The following GPA33 variants were observed in gnomAD, a reference collection of about 807,000 sequenced individuals.
GPA33 encodes the protein glycoprotein A33.
GPA33 carries 27 observed loss-of-function variants against 35.6 expected under a neutral mutation model. The ratio of observed to expected loss-of-function variants is 0.76; its 90% CI spans 0.56 to 1.04. GPA33 has a LOEUF of 1.04. GPA33 is among the 50% of genes least tolerant of loss of function. GPA33 has a pLI of 0.00. For missense variants in GPA33, 428 were observed against 411.9 expected (o/e 1.04, Z -0.34); for synonymous variants, 176 against 164.0 (o/e 1.07, Z -0.56).
At chr1:167,062,171 A>ATTTAT (rs200118059) in intron 4 of GPA33, among the ~76,000 whole-genome samples, 1 of 151,290 alleles carries the variant, frequency 6.6e-6, no homozygotes, top group Non-Finnish European at 1.5e-5. Context: ...AAAATATTTT[A>ATTTAT]TTTATTTTAT....
chr1:167,056,794 C>CT (rs1261442199), intron 4 of GPA33, among the ~76,000 whole-genome samples: 159 of 2,540 alleles, frequency 0.063, 1 homozygote, highest in East Asian at 0.12. Flanking sequence ...TAGTGTGGTG[C>CT]GTGTGGTGTG....
At chr1:167,087,908 T>TCACACACACACACACACACA (rs1491326252) in intron 1 of GPA33, among the ~76,000 whole-genome samples, 11,664 of 148,990 alleles carry the variant, frequency 0.078, 507 homozygotes, top group Non-Finnish European at 0.084. Flanking sequence ...CCAGACTCTG[T>TCACACACACACACACACACA]CTCACACACA....
intron 3 of GPA33, among the ~76,000 whole-genome samples, chr1:167,067,188 G>T (rs1236488472): frequency 1.3e-5 from 2 of 151,798 alleles, no homozygotes; most frequent in Non-Finnish European, 2.9e-5. Flanking sequence ...TTTTGAGGCC[G>T]GTCTCTGTCA....
chr1:167,078,243 C>T (rs1666862644), intron 1 of GPA33, among the ~76,000 whole-genome samples: 1 of 152,240 alleles, frequency 6.6e-6, no homozygotes, highest in South Asian at 2.1e-4. Context: ...CTGCTCTACT[C>T]AGGGAGATAA....
intron 1 of GPA33, among the ~76,000 whole-genome samples, chr1:167,077,083 G>A (rs1221292539): frequency 4.6e-5 from 7 of 152,058 alleles, no homozygotes; most frequent in Admixed American, 4.6e-4. Flanking sequence ...GTGCATGCCT[G>A]TAGTCCCAGC....
At chr1:167,079,712 A>G (rs1666888030) in intron 1 of GPA33, among the ~76,000 whole-genome samples, 1 of 152,104 alleles carries the variant, frequency 6.6e-6, no homozygotes, top group South Asian at 2.1e-4. Context: ...AATCCTTTCC[A>G]CCCATTCAGT....
intron 1 of GPA33, among the ~76,000 whole-genome samples, chr1:167,079,108 G>T (rs1414667952): frequency 6.6e-6 from 1 of 152,098 alleles, no homozygotes; most frequent in East Asian, 1.9e-4. Context: ...ATCAATTTTA[G>T]AGATCATTAT....
At position 167,063,581 on chromosome 1, in the gene GPA33, C is replaced by G. The variant is rs1322759612; in HGVS notation, c.571+1G>C. On this transcript the variant is annotated splice_donor_variant, in intron 4 of 6. Transcript: ENST00000367868. LOFTEE classifies it high-confidence loss of function. ...GCCCGCCTTCCCTACTGCCCCCTTA[C>G]CTGGCTGGGCCAGGGGCTGCTCCTG... is the stretch of plus-strand genomic sequence containing the variant. The G allele has an allele frequency of 1.2e-6, 2 of 1,601,456 alleles. No homozygotes were observed.
chr1:167,073,634 C>T, intron 1 of GPA33, 95 bp from the exon 2 acceptor site: 8 of 1,122,972 alleles, frequency 7.1e-6, no homozygotes, highest in Non-Finnish European at 1.0e-5. Flanking sequence ...ATGTCCAGGG[C>T]TGTTCTTGCA....
At chr1:167,085,246 G>A (rs556104498) in intron 1 of GPA33, among the ~76,000 whole-genome samples, 2 of 152,334 alleles carry the variant, frequency 1.3e-5, no homozygotes, top group South Asian at 4.1e-4. Context: ...GGAGAATGAG[G>A]CTGCTAAGGA....
At chr1:167,084,306 G>A (rs563291099) in intron 1 of GPA33, among the ~76,000 whole-genome samples, 2 of 152,292 alleles carry the variant, frequency 1.3e-5, no homozygotes, top group Admixed American at 6.5e-5. Flanking sequence ...TGAGGTGGCA[G>A]AGGAAATGGA....
rs149272203 is a variant in GPA33, at chr1:167,076,560, G to C, written c.44-3021C>G. Among the ~76,000 whole-genome samples, 12 of 152,284 alleles carry C rather than the reference G, an allele frequency of 7.9e-5. No homozygotes were observed. In the East Asian group the frequency reaches 2.1e-3, roughly 27 times the overall value. On this transcript the variant is annotated intron_variant, in intron 1 of 6. Coordinates refer to ENST00000367868, the MANE Select transcript of GPA33 (RefSeq NM_005814.3). ...GCTCCTGGGAAACAGGGAAGCATTCGGGTTGTTCATACTTCATTAAGCAGT... is the reference window on the plus strand; with the variant it reads ...GCTCCTGGGAAACAGGGAAGCATTCCGGTTGTTCATACTTCATTAAGCAGT...
At chr1:167,059,477 C>T (rs913377) in intron 4 of GPA33, among the ~76,000 whole-genome samples, 58,781 of 151,504 alleles carry the variant, frequency 0.39, 12,605 homozygotes, top group South Asian at 0.6. Context: ...TTTCCGCATC[C>T]CCCCAACCCC....
At chr1:167,071,637 T>C (rs1255465989) in intron 2 of GPA33, among the ~76,000 whole-genome samples, 1 of 152,204 alleles carries the variant, frequency 6.6e-6, no homozygotes, top group Non-Finnish European at 1.5e-5. Flanking sequence ...TCTCGGGCTG[T>C]GGATCAGTCC....
chr1:167,061,586 G>GTTTT lies in GPA33; in HGVS notation c.571+1992_571+1995dup, dbSNP rs397981830. 1.1e-3 allele frequency among the ~76,000 whole-genome samples: 82 copies of GTTTT among 74,650 alleles called. 7 individuals are homozygous for GTTTT. The highest frequency in any genetic ancestry group is 1.7e-3 in the African/African-American group (31 of 17,838). 49.0% of individuals were successfully genotyped at this position (74,650 alleles called of 152,430 possible). A position where few individuals can be genotyped will look rare whatever the true frequency, so the allele number is the denominator to read the frequency against. ...TTAGGTCGAGTGGATTCTACTAACT[G>GTTTT]TTTTTTTTTTTTTTTTTTTTTTTTT... On this transcript the variant is annotated intron_variant, in intron 4 of 6. Coordinates refer to ENST00000367868, the MANE Select transcript of GPA33 (RefSeq NM_005814.3).
intron 1 of GPA33, chr1:167,078,662 G>A (rs1290484018): frequency 2.0e-5 from 3 of 152,298 alleles, no homozygotes; most frequent in East Asian, 1.9e-4. Context: ...ATCCCGGAGC[G>A]TGTACCGCTC....
intron 1 of GPA33, among the ~76,000 whole-genome samples, chr1:167,083,389 A>G (rs914217070): frequency 2.6e-5 from 4 of 152,150 alleles, no homozygotes; most frequent in Non-Finnish European, 5.9e-5. Context: ...AGGATAGGAA[A>G]TGGTGAAGCC....
rs1228174825 is a variant in GPA33, at chr1:167,054,258, A to G, written c.*76T>C. On this transcript the variant is annotated 3_prime_UTR_variant, in exon 7 of 7. Transcript: ENST00000367868. ...ATGGAGGGACAGGAGAACAGGGCTT[A>G]GAAAGGAGAAGGGAGGCCAGGAAGC... is the stretch of plus-strand genomic sequence containing the variant. The G allele has an allele frequency of 6.4e-7, 1 of 1,560,206 alleles. No individual in the cohort carries two copies. The highest frequency in any genetic ancestry group is 8.8e-7 in the Non-Finnish European group (1 of 1,142,018).
intron 4 of GPA33, among the ~76,000 whole-genome samples, chr1:167,062,557 C>T (rs2102177022): frequency 6.6e-6 from 1 of 150,844 alleles, no homozygotes; most frequent in African/African-American, 2.4e-5. Context: ...GCAGGGGTGG[C>T]ACTAGGGGCC....
Sources: allele counts gnomAD v4.1 joint callset (sites outside exome capture counted in the v4.1 genomes callset), GRCh38; gene constraint gnomAD v4.1.1; transcripts MANE v1.5; gene names NCBI Gene and HGNC (gene_info 2026-07-23, HGNC 2026-07-21).